PTPRZ1: variants seen among roughly 807,000 people sequenced by gnomAD.
PTPRZ1 encodes receptor-type tyrosine-protein phosphatase zeta.
A neutral mutation model predicts 214.1 loss-of-function variants in PTPRZ1; 82 were observed. The ratio of observed to expected loss-of-function variants is 0.38; its 90% CI spans 0.32 to 0.46. The LOEUF (loss-of-function observed/expected upper bound fraction) is 0.46. PTPRZ1 is among the 20% of genes least tolerant of loss of function. The pLI is 1.00. For synonymous variants in PTPRZ1, 945 were observed against 987.9 expected (o/e 0.96, Z 0.81); for missense variants, 2,603 against 2,748.7 (o/e 0.95, Z 1.19).
chr7:122,010,613 G>A lies in PTPRZ1; in HGVS notation c.1567G>A (p.Val523Met), dbSNP rs1162075944. 1.2e-6 allele frequency: 2 copies of A among 1,613,694 alleles called. No individual in the cohort carries two copies. Among genetic ancestry groups the A allele is most frequent in the South Asian group, 1.1e-5 (1 of 91,074 alleles). ...EKDISLTSQT[V>M]TELPPHTVEG... The stretch of plus-strand genomic sequence containing the variant: ...AGATATTTCCTTGACTTCTCAGACT[G>A]TGACTGAACTGCCACCTCACACTGT... The change falls in exon 12 of 30, where the codon GTG becomes ATG. Residue 523 changes from valine (V) to methionine (M), a missense_variant. Around this residue, in one of 6 missense-constraint regions of PTPRZ1, gnomAD observed 1,913 missense variants for 1,914.3 expected, o/e 1.00. Coordinates refer to ENST00000393386, the MANE Select transcript of PTPRZ1 (RefSeq NM_002851.3).
At chr7:121,876,548 G>A (rs1032556488) in intron 1 of PTPRZ1, among the ~76,000 whole-genome samples, 1 of 96,692 alleles carries the variant, frequency 1.0e-5, no homozygotes, top group African/African-American at 6.7e-5. Flanking sequence ...GCTGGTTATA[G>A]AGTCTGAAAT....
intron 2 of PTPRZ1, among the ~76,000 whole-genome samples, chr7:121,952,714 C>A (rs898944262): frequency 6.6e-6 from 1 of 152,172 alleles, no homozygotes; most frequent in Non-Finnish European, 1.5e-5. Flanking sequence ...TGACTCCTAA[C>A]ATTTTAGTTT....
intron 1 of PTPRZ1, among the ~76,000 whole-genome samples, chr7:121,886,321 AGGTTCTTTATCT>A (rs1432088185): frequency 1.3e-5 from 2 of 152,108 alleles, no homozygotes; most frequent in Non-Finnish European, 2.9e-5. Flanking sequence ...TAATCCTCAC[AGGTTCTTTATCT>A]GGTATTCAGT....
chr7:122,012,669 T>C lies in PTPRZ1; in HGVS notation c.3623T>C (p.Leu1208Ser). The stretch of plus-strand genomic sequence containing the variant: ...CCAGCTGTGCCCAGTGATCCAATAT[T>C]GGTTGAAACCCCCAAAGTTGATAAA... The part of the protein sequence containing the change: ...VLPAVPSDPI[L>S]VETPKVDKIS... The change falls in exon 12 of 30, where the codon TTG becomes TCG. Residue 1208 changes from leucine to serine, a missense_variant. Physicochemically the swap from Leu to Ser is moderately radical, Grantham distance 145. Coordinates refer to ENST00000393386, the MANE Select transcript of PTPRZ1 (RefSeq NM_002851.3). 1.2e-6 allele frequency: 2 copies of C among 1,613,154 alleles called. No homozygotes were observed. The highest frequency in any genetic ancestry group is 1.7e-6 in the Non-Finnish European group (2 of 1,179,188).
At chr7:122,049,054 A>G (rs1792091158) in intron 23 of PTPRZ1, among the ~76,000 whole-genome samples, 2 of 152,112 alleles carry the variant, frequency 1.3e-5, no homozygotes, top group African/African-American at 2.4e-5. Context: ...ATGGTTTAAC[A>G]CTGGAAAATA....
chr7:121,878,832 G>A (rs1321446402), intron 1 of PTPRZ1, among the ~76,000 whole-genome samples: 5 of 152,004 alleles, frequency 3.3e-5, no homozygotes, highest in South Asian at 2.1e-4. Context: ...CTTACAGTAG[G>A]TGCCAATAAA....
intron 1 of PTPRZ1, chr7:121,908,377 ACT>A: frequency 1.8e-5 from 6 of 334,440 alleles, no homozygotes; most frequent in Non-Finnish European, 2.9e-5. Flanking sequence ...AAGAATATCA[ACT>A]ATACATCATC....
Position 121,996,444 on chromosome 7 carries a change from A to G in PTPRZ1, c.991A>G (p.Thr331Ala). The change falls in exon 9 of 30, where the codon ACA becomes GCA. Residue 331 changes from threonine (T) to alanine (A), a missense_variant. This residue lies in a region of PTPRZ1 where 244 missense variants were observed against 333.2 expected (regional missense o/e 0.73). Coordinates refer to ENST00000393386, the MANE Select transcript of PTPRZ1 (RefSeq NM_002851.3). The stretch of plus-strand genomic sequence containing the variant: ...AGAGAATTATACCAGCCTTCTTGTT[A>G]CATGGGAAAGACCTCGAGTCGTTTA... The part of the protein sequence containing the change: ...DPENYTSLLV[T>A]WERPRVVYDT... 1.9e-6 allele frequency: 3 copies of G among 1,613,558 alleles called. No homozygotes were observed. The highest frequency in any genetic ancestry group is 2.5e-6 in the Non-Finnish European group (3 of 1,179,632).
In PTPRZ1 at chr7:121,998,140, G is replaced by A. The variant is rs139580135; in HGVS notation, c.1240+134G>A. The A allele has an allele frequency of 4.9e-5, 52 of 1,068,086 alleles. 1 individual carries two copies. Among genetic ancestry groups the A allele is most frequent in the East Asian group, 2.3e-4 (8 of 34,178 alleles). The allele number at this position is 1,068,086 out of a possible 1,614,324, so 66.2% of individuals were successfully genotyped here. A position where few individuals can be genotyped will look rare whatever the true frequency, so the allele number is the denominator to read the frequency against. ...GATTTTCTCTTAAGTCTGGATTGCCGGGTAATTTTTTGGGGCATGGGACCC... is the reference window on the plus strand; with the variant it reads ...GATTTTCTCTTAAGTCTGGATTGCCAGGTAATTTTTTGGGGCATGGGACCC... On this transcript the variant is annotated intron_variant, in intron 10 of 29. Coordinates refer to ENST00000393386, the MANE Select transcript of PTPRZ1 (RefSeq NM_002851.3).
At chr7:121,885,242 T>C (rs374681965) in intron 1 of PTPRZ1, among the ~76,000 whole-genome samples, 1 of 152,346 alleles carries the variant, frequency 6.6e-6, no homozygotes, top group East Asian at 1.9e-4. Flanking sequence ...TTTCCACAGT[T>C]AAGTCTATCC....
intron 2 of PTPRZ1, among the ~76,000 whole-genome samples, chr7:121,936,976 T>C (rs1259444010): frequency 1.3e-5 from 2 of 152,194 alleles, no homozygotes; most frequent in Non-Finnish European, 2.9e-5. Flanking sequence ...TCAGATGAGA[T>C]AACCGCTTGA....
chr7:121,928,304 T>C, intron 2 of PTPRZ1, 83 bp downstream of exon 2: 1 of 968,794 alleles, frequency 1.0e-6, no homozygotes, highest in Non-Finnish European at 1.6e-6. Flanking sequence ...GGAAGCTTTG[T>C]AGCACAACAC....
At chr7:121,932,465 G>A (rs1795953622) in intron 2 of PTPRZ1, among the ~76,000 whole-genome samples, 1 of 152,082 alleles carries the variant, frequency 6.6e-6, no homozygotes, top group South Asian at 2.1e-4. Context: ...GAGGAAATTG[G>A]ACTTGACCAC....
At chr7:122,024,025 A>C (rs1196981733) in intron 13 of PTPRZ1, among the ~76,000 whole-genome samples, 1 of 151,580 alleles carries the variant, frequency 6.6e-6, no homozygotes, top group East Asian at 1.9e-4. Flanking sequence ...TGCCTGATGG[A>C]TAATTAGCAG....
rs1249509885 is a variant in PTPRZ1, at chr7:122,010,675, A to G, written c.1629A>G (p.Lys543=). 1.2e-6 allele frequency: 2 copies of G among 1,613,584 alleles called. No individual in the cohort carries two copies. ...CAGCCTCTTTAAATGATGGCTCTAA[A>G]ACTGTTCTTAGATCTCCACATATGA... ...GTSASLNDGS[K]TVLRSPHMNL... The change falls in exon 12 of 30, where the codon AAA becomes AAG. Residue 543 remains lysine (K), a synonymous_variant. Coordinates refer to ENST00000393386, the MANE Select transcript of PTPRZ1 (RefSeq NM_002851.3).
chr7:122,035,788 A>G (rs573201464), intron 17 of PTPRZ1, among the ~76,000 whole-genome samples: 1 of 152,300 alleles, frequency 6.6e-6, no homozygotes, highest in East Asian at 1.9e-4. Flanking sequence ...TTCATCCTTG[A>G]AAAGAATAAT....
chr7:121,923,599 C>A (rs1795665124), intron 1 of PTPRZ1, among the ~76,000 whole-genome samples: 1 of 152,048 alleles, frequency 6.6e-6, no homozygotes, highest in Admixed American at 6.6e-5. Flanking sequence ...GAAACAGAGA[C>A]TTTCTTTAGG....
chr7:121,905,683 T>G (rs1795095495), intron 1 of PTPRZ1, among the ~76,000 whole-genome samples: 1 of 62,916 alleles, frequency 1.6e-5, no homozygotes, highest in Non-Finnish European at 3.4e-5. Context: ...ACACAAATGG[T>G]GGGCATCTGT....
At chr7:121,967,298 C>T (rs949930608) in intron 2 of PTPRZ1, among the ~76,000 whole-genome samples, 10 of 152,152 alleles carry the variant, frequency 6.6e-5, no homozygotes, top group Non-Finnish European at 1.5e-4. Context: ...CTAGGCTTTA[C>T]GACCAGAGAA....
Sources: gnomAD v4.1 joint callset for allele counts (sites outside exome capture counted in the v4.1 genomes callset) on GRCh38, gnomAD v4.1.1 for gene constraint, gnomAD v4.1.1 regional missense constraint, MANE v1.5 for transcripts, NCBI Gene and HGNC (gene_info 2026-07-23, HGNC 2026-07-21) for gene names.